The following KCNJ9 variants were observed in gnomAD, a reference collection of about 807,000 sequenced individuals.
KCNJ9 encodes the protein G protein-activated inward rectifier potassium channel 3.
In KCNJ9, 18 loss-of-function variants were observed where a neutral mutation model predicts 27.9. The ratio of observed to expected loss-of-function variants is 0.65; its 90% CI spans 0.45 to 0.96. The LOEUF is 0.96. KCNJ9 is among the 40% of genes least tolerant of loss of function. The pLI is 0.00. For synonymous variants in KCNJ9, 229 were observed against 248.2 expected (o/e 0.92, Z 0.73); for missense variants, 324 against 557.5 (o/e 0.58, Z 4.22).
rs1649861728 is a variant in KCNJ9, at chr1:160,089,801, C to A, written c.*1984C>A. ...CAGGAGAGCCTGCCCTGGGACAGCG[C>A]CTGTCTCCCACACAGCAGCACTGGC... is the stretch of plus-strand genomic sequence containing the variant. On this transcript the variant is annotated 3_prime_UTR_variant, in exon 3 of 3. Transcript: ENST00000368088. The A allele has an allele frequency of 1.3e-5, 2 of 152,378 alleles. No individual in the cohort carries two copies. The highest frequency in any genetic ancestry group is 4.1e-4 in the South Asian group (2 of 4,838). The allele number at this position is 152,378 out of a possible 1,614,324, so 9.4% of individuals were successfully genotyped here.
chr1:160,083,902 C>A lies in KCNJ9; in HGVS notation c.-114-15C>A. On this transcript the variant is annotated splice_polypyrimidine_tract_variant and intron_variant, in intron 1 of 2. Transcript: ENST00000368088. ...ATCTCCCGAGGGGCCACTCATTCGG[C>A]AAACCTTTATTAAGCCCCTCCAGGA... 1.1e-6 allele frequency: 1 copy of A among 887,460 alleles called. No homozygotes were observed. Among genetic ancestry groups the A allele is most frequent in the Non-Finnish European group, 1.4e-6 (1 of 691,796 alleles). 55.0% of individuals were successfully genotyped at this position (887,460 alleles called of 1,614,324 possible).
At position 160,087,504 on chromosome 1, in the gene KCNJ9, G is replaced by A. The variant is rs370735918; in HGVS notation, c.869G>A (p.Arg290Gln). The A allele has an allele frequency of 3.7e-6, 6 of 1,603,224 alleles. No individual in the cohort carries two copies. Among genetic ancestry groups the A allele is most frequent in the Non-Finnish European group, 5.1e-6 (6 of 1,172,598 alleles). Residue 290 changes from arginine to glutamine, a missense_variant, in exon 3 of 3, where the codon CGG (arginine) becomes CAG (glutamine). Coordinates refer to ENST00000368088, the MANE Select transcript of KCNJ9 (RefSeq NM_004983.3). Reference sequence around the variant, plus strand: ...CTCCCAGGAATGACATGCCAAGCTCGGAGCTCCTACCTGGTAGACGAGGTG... The same window carrying A: ...CTCCCAGGAATGACATGCCAAGCTCAGAGCTCCTACCTGGTAGACGAGGTG... ...VEATGMTCQA[R>Q]SSYLVDEVLW... is the part of the protein sequence containing the mutation.
At chr1:160,082,876 A>G (rs1298011284) in intron 1 of KCNJ9, among the ~76,000 whole-genome samples, 1 of 152,040 alleles carries the variant, frequency 6.6e-6, no homozygotes, top group African/African-American at 2.4e-5. Flanking sequence ...CTCAGAGGCA[A>G]GCATGTGAAG....
chr1:160,084,180 C>T lies in KCNJ9; in HGVS notation c.150C>T (p.Thr50=), dbSNP rs377435879. 43 of 1,608,338 alleles carry T rather than the reference C, an allele frequency of 2.7e-5. No homozygotes were observed. Among genetic ancestry groups the T allele is most frequent in the Non-Finnish European group, 3.6e-5 (42 of 1,177,430 alleles). ...ACCGCTACCTGACGGACCTGTTCAC[C>T]ACGCTGGTGGACCTGCAGTGGCGCC... ...ETYRYLTDLF[T]TLVDLQWRLS... The change falls in exon 2 of 3, where the codon ACC becomes ACT. Residue 50 remains threonine, a synonymous_variant. Transcript: ENST00000368088.
chr1:160,087,376 G>C, intron 2 of KCNJ9, 110 bp from the exon 3 acceptor site: 1 of 1,385,430 alleles, frequency 7.2e-7, no homozygotes, highest in Non-Finnish European at 9.4e-7. Flanking sequence ...GGAGGTGGGA[G>C]CCCTTAGGAA....
At position 160,087,542 on chromosome 1, in the gene KCNJ9, C is replaced by A; in HGVS notation, c.907C>A (p.Arg303Ser). The change falls in exon 3 of 3, where the codon CGC (arginine) becomes AGC (serine). Residue 303 changes from arginine to serine, a missense_variant. Around this residue, in one of 3 missense-constraint regions of KCNJ9, gnomAD observed 241 missense variants for 481.7 expected, o/e 0.50. Coordinates refer to ENST00000368088, the MANE Select transcript of KCNJ9 (RefSeq NM_004983.3). ...GGTAGACGAGGTGCTGTGGGGCCAC[C>A]GCTTCACGTCAGTGCTGACTCTGGA... ...YLVDEVLWGH[R>S]FTSVLTLEDG... 6.2e-7 allele frequency: 1 copy of A among 1,613,306 alleles called. No homozygotes were observed. Among genetic ancestry groups the A allele is most frequent in the Non-Finnish European group, 8.5e-7 (1 of 1,179,524 alleles).
intron 1 of KCNJ9, among the ~76,000 whole-genome samples, chr1:160,083,649 G>A (rs1221401580): frequency 1.3e-5 from 2 of 152,202 alleles, no homozygotes; most frequent in African/African-American, 2.4e-5. Context: ...AGCTGGAGGT[G>A]ATGGCACCAA....
At chr1:160,082,691 C>T (rs570138662) in intron 1 of KCNJ9, among the ~76,000 whole-genome samples, 11 of 152,326 alleles carry the variant, frequency 7.2e-5, no homozygotes, top group African/African-American at 1.7e-4. Flanking sequence ...AGCCAGCCCA[C>T]GTTTCCGTGG....
chr1:160,087,924 C>A lies in KCNJ9; in HGVS notation c.*107C>A. The A allele has an allele frequency of 8.8e-7, 1 of 1,137,390 alleles. No individual in the cohort carries two copies. Among genetic ancestry groups the A allele is most frequent in the South Asian group, 2.5e-5 (1 of 40,100 alleles). The allele number at this position is 1,137,390 out of a possible 1,614,324, so 70.5% of individuals were successfully genotyped here. On this transcript the variant is annotated 3_prime_UTR_variant, in exon 3 of 3. Transcript: ENST00000368088. ...GGAGGAGGAGGAGGAAGGCAAAGCC[C>A]CTGGAAATGTGCTAAAGTTGGAAAG...
In KCNJ9 at chr1:160,084,734, G is replaced by A; in HGVS notation, c.704G>A (p.Gly235Glu). The A allele has an allele frequency of 6.3e-7, 1 of 1,584,882 alleles. No individual in the cohort carries two copies. The highest frequency in any genetic ancestry group is 8.6e-7 in the Non-Finnish European group (1 of 1,165,078). Reference sequence around the variant, plus strand: ...GACCTCAGCGTGGGCTTCGACACGGGAGACGACCGCCTCTTCCTCGTCTCG... The same window carrying A: ...GACCTCAGCGTGGGCTTCGACACGGAAGACGACCGCCTCTTCCTCGTCTCG... ...QTDLSVGFDTGDDRLFLVSPL... is the reference protein window; with the variant it reads ...QTDLSVGFDTEDDRLFLVSPL... The change falls in exon 2 of 3, where the codon GGA becomes GAA. Residue 235 changes from glycine to glutamate, a missense_variant. Transcript: ENST00000368088.
chr1:160,086,368 G>A (rs1189983937), intron 2 of KCNJ9, among the ~76,000 whole-genome samples: 1 of 152,208 alleles, frequency 6.6e-6, no homozygotes, highest in African/African-American at 2.4e-5. Context: ...CCAACAGGAA[G>A]ATAGGACACA....
At chr1:160,085,215 C>T (rs1180658925) in intron 2 of KCNJ9, among the ~76,000 whole-genome samples, 3 of 152,216 alleles carry the variant, frequency 2.0e-5, no homozygotes, top group Non-Finnish European at 2.9e-5. Context: ...CACTTTCTAC[C>T]TCTGAGTCGA....
intron 2 of KCNJ9, 46 bp downstream of exon 2, chr1:160,084,926 C>CTGGGGGGGGGG: frequency 2.2e-6 from 2 of 900,308 alleles, no homozygotes; most frequent in Non-Finnish European, 3.2e-6. Context: ...AGAGGGTGGG[C>CTGGGGGGGGGG]GGGACCGAGG....
chr1:160,087,732 C>A lies in KCNJ9; in HGVS notation c.1097C>A (p.Ala366Glu), dbSNP rs3001040. The A allele has an allele frequency of 6.0e-6, 5 of 828,462 alleles. No individual in the cohort carries two copies. The highest frequency in any genetic ancestry group is 1.5e-4 in the Admixed American group (2 of 13,612). The allele number at this position is 828,462 out of a possible 1,614,324, so 51.3% of individuals were successfully genotyped here. A position where few individuals can be genotyped will look rare whatever the true frequency, so the allele number is the denominator to read the frequency against. Residue 366 changes from alanine (A) to glutamate (E), a missense_variant, in exon 3 of 3, where the codon GCG (alanine) becomes GAG (glutamate). Around this residue, in one of 3 missense-constraint regions of KCNJ9, gnomAD observed 51 missense variants for 44.1 expected, o/e 1.16. Transcript: ENST00000368088. ...RLDEKVEEEG[A>E]GEGAGGEAGA... ...GATGAGAAGGTGGAGGAGGAGGGGG[C>A]GGGGGAGGGGGCGGGTGGGGAAGCT...
At chr1:160,086,827 C>T (rs1649785835) in intron 2 of KCNJ9, among the ~76,000 whole-genome samples, 2 of 152,230 alleles carry the variant, frequency 1.3e-5, no homozygotes, top group African/African-American at 2.4e-5. Flanking sequence ...TTAAAGGGCC[C>T]TCCTTGGCCA....
In KCNJ9 at chr1:160,087,949, G is replaced by T. The variant is rs1649813294; in HGVS notation, c.*132G>T. 2 of 886,604 alleles carry T rather than the reference G, an allele frequency of 2.3e-6. No homozygotes were observed. The highest frequency in any genetic ancestry group is 7.4e-5 in the Admixed American group (2 of 27,148). The allele number at this position is 886,604 out of a possible 1,614,324, so 54.9% of individuals were successfully genotyped here. On this transcript the variant is annotated 3_prime_UTR_variant, in exon 3 of 3. Coordinates refer to ENST00000368088, the MANE Select transcript of KCNJ9 (RefSeq NM_004983.3). Reference sequence around the variant, plus strand: ...CCTGGAAATGTGCTAAAGTTGGAAAGTCCCCGTCCCCCAGAACCTCAAGTC... The same window carrying T: ...CCTGGAAATGTGCTAAAGTTGGAAATTCCCCGTCCCCCAGAACCTCAAGTC...
In KCNJ9 at chr1:160,087,589, C is replaced by T. The variant is rs770700564; in HGVS notation, c.954C>T (p.Asp318=). ...TGGAGGACGGCTTCTACGAAGTGGA[C>T]TATGCCAGCTTTCACGAGACTTTTG... is the stretch of plus-strand genomic sequence containing the variant. ...LTLEDGFYEV[D]YASFHETFEV... Residue 318 remains aspartate (D), a synonymous_variant, in exon 3 of 3, where the codon GAC becomes GAT. Transcript: ENST00000368088. 15 of 1,613,792 alleles carry T rather than the reference C, an allele frequency of 9.3e-6. No individual in the cohort carries two copies. The highest frequency in any genetic ancestry group is 1.3e-5 in the Non-Finnish European group (15 of 1,179,946).
rs1202972265 is a variant in KCNJ9 at position 160,084,889 on chromosome 1, A to G, written c.850+9A>G. Reference sequence around the variant, plus strand: ...CATGGTGGAAGCCACGGGTGCGAGCAGGCCTGGGGAGGGGAGCGGGGTTGG... The same window carrying G: ...CATGGTGGAAGCCACGGGTGCGAGCGGGCCTGGGGAGGGGAGCGGGGTTGG... On this transcript the variant is annotated intron_variant, in intron 2 of 2. Transcript: ENST00000368088. 7 of 1,358,232 alleles carry G rather than the reference A, an allele frequency of 5.2e-6. No individual in the cohort carries two copies. Among genetic ancestry groups the G allele is most frequent in the Admixed American group, 2.2e-5 (1 of 45,486 alleles). 84.1% of individuals were successfully genotyped at this position (1,358,232 alleles called of 1,614,324 possible).
chr1:160,087,459 C>T (rs1302027299), intron 2 of KCNJ9, 27 bp from the exon 3 acceptor site: 3 of 1,563,154 alleles, frequency 1.9e-6, no homozygotes, highest in Non-Finnish European at 2.6e-6. Flanking sequence ...AGCTGAGATT[C>T]CCCCTGACCG....
Sources: allele counts gnomAD v4.1 joint callset (sites outside exome capture counted in the v4.1 genomes callset), GRCh38; gene constraint gnomAD v4.1.1; regional missense constraint gnomAD v4.1.1; transcripts MANE v1.5; gene names NCBI Gene and HGNC (gene_info 2026-07-23, HGNC 2026-07-21).